Variants in GSK3A observed in about 807,000 individuals in gnomAD.
The protein encoded by GSK3A is glycogen synthase kinase-3 alpha.
A neutral mutation model predicts 56.6 loss-of-function variants in GSK3A; 14 were observed. The ratio of observed to expected loss-of-function variants is 0.25; its 90% CI spans 0.16 to 0.39. GSK3A has a LOEUF of 0.39. GSK3A is among the 10% of genes least tolerant of loss of function. The pLI is 1.00. For synonymous variants in GSK3A, 301 were observed against 285.0 expected, an observed-to-expected ratio of 1.06 and a Z score of -0.56; for missense variants, 450 against 656.0, an observed-to-expected ratio of 0.69 and a Z score of 3.43.
At chr19:42,236,064 A>ATCATTCAT (rs138176758) in intron 4 of GSK3A, among the ~76,000 whole-genome samples, 1 of 152,092 alleles carries the variant, frequency 6.6e-6, no homozygotes, top group Non-Finnish European at 1.5e-5. Flanking sequence ...CTGGGCTGCA[A>ATCATTCAT]TCATTCATTC....
rs1271938755 is a variant in GSK3A, at chr19:42,230,710, G to A, written c.*84C>T. On this transcript the variant is annotated 3_prime_UTR_variant, in exon 11 of 11. Transcript: ENST00000222330. The stretch of plus-strand genomic sequence containing the variant: ...CCTCTAGTCTAGGGGCCCAGCCAGG[G>A]CAGGAGCTTGATGGGCTATGGCCCC... 2.0e-6 allele frequency: 2 copies of A among 1,024,522 alleles called. No homozygotes were observed. The highest frequency in any genetic ancestry group is 3.0e-6 in the Non-Finnish European group (2 of 666,458). The allele number at this position is 1,024,522 out of a possible 1,614,324, so 63.5% of individuals were successfully genotyped here. A position where few individuals can be genotyped will look rare whatever the true frequency, so the allele number is the denominator to read the frequency against.
At chr19:42,236,984 C>T (rs771923462) in intron 2 of GSK3A, 43 bp from the exon 3 acceptor site, 13 of 1,344,436 alleles carry the variant, frequency 9.7e-6, no homozygotes, top group African/African-American at 4.3e-5. Context: ...CCAACTCTCT[C>T]GGCTGCTCCT....
rs1379946395 is a variant in GSK3A at position 42,242,382 on chromosome 19, T to TCCG, written c.81_83dup (p.Gly35dup). The TCCG allele has an allele frequency of 7.9e-6, 11 of 1,389,264 alleles. No homozygotes were observed. The highest frequency in any genetic ancestry group is 9.3e-6 in the Non-Finnish European group (10 of 1,073,820). The allele number at this position is 1,389,264 out of a possible 1,614,324, so 86.1% of individuals were successfully genotyped here. ...CGGGGCCGCCGCCGCCTCCTCCGCC[T>TCCG]CCGCCGCCGGGCTCCGCGAACGAGC... On this transcript the variant is annotated inframe_insertion, in exon 1 of 11. Coordinates refer to ENST00000222330, the MANE Select transcript of GSK3A (RefSeq NM_019884.3).
intron 10 of GSK3A, 86 bp downstream of exon 10, chr19:42,231,971 T>A: frequency 1.4e-6 from 1 of 693,644 alleles, no homozygotes; most frequent in Non-Finnish European, 2.5e-6. Context: ...TAAAAATACA[T>A]TCAGGAAACC....
In GSK3A at chr19:42,230,738, T is replaced by C; in HGVS notation, c.*56A>G. 2 of 1,356,516 alleles carry C rather than the reference T, an allele frequency of 1.5e-6. No individual in the cohort carries two copies. Among genetic ancestry groups the C allele is most frequent in the Non-Finnish European group, 2.1e-6 (2 of 969,060 alleles). The allele number at this position is 1,356,516 out of a possible 1,614,324, so 84.0% of individuals were successfully genotyped here. A position where few individuals can be genotyped will look rare whatever the true frequency, so the allele number is the denominator to read the frequency against. On this transcript the variant is annotated 3_prime_UTR_variant, in exon 11 of 11. Coordinates refer to ENST00000222330, the MANE Select transcript of GSK3A (RefSeq NM_019884.3). ...GGAGCTTGATGGGCTATGGCCCCCC[T>C]TCCCAGCCCCTCTTGGGGCTCCCAG...
rs1465152059 is a variant in GSK3A at position 42,236,494 on chromosome 19, G to A, written c.666+112C>T. The A allele has an allele frequency of 1.6e-5, 12 of 752,460 alleles. No individual in the cohort carries two copies. In the East Asian group the frequency reaches 2.2e-4, roughly 14 times the overall value. 46.6% of individuals were successfully genotyped at this position (752,460 alleles called of 1,614,324 possible). A position where few individuals can be genotyped will look rare whatever the true frequency, so the allele number is the denominator to read the frequency against. On this transcript the variant is annotated intron_variant, in intron 4 of 10. Coordinates refer to ENST00000222330, the MANE Select transcript of GSK3A (RefSeq NM_019884.3). ...TGGGAACAACAGCAGGGGACATGGGGCCTCCAAAAACCAACATAAACTTGG... is the reference window on the plus strand; with the variant it reads ...TGGGAACAACAGCAGGGGACATGGGACCTCCAAAAACCAACATAAACTTGG...
intron 2 of GSK3A, among the ~76,000 whole-genome samples, chr19:42,238,307 C>A (rs1313749622): frequency 6.6e-6 from 1 of 151,054 alleles, no homozygotes; most frequent in Non-Finnish European, 1.5e-5. Context: ...CGCTTGAACC[C>A]AGGAGGCAGA....
chr19:42,233,429 C>T (rs935830532), intron 6 of GSK3A, 46 bp from the exon 7 acceptor site: 70 of 1,224,926 alleles, frequency 5.7e-5, no homozygotes, highest in Admixed American at 8.2e-5. Flanking sequence ...AGTAGGGCCA[C>T]CAACCTCCCA....
At chr19:42,237,056 G>A in intron 2 of GSK3A, 115 bp from the exon 3 acceptor site, 1 of 737,878 alleles carries the variant, frequency 1.4e-6, no homozygotes, top group Non-Finnish European at 2.5e-6. Flanking sequence ...CAGCTCCAAG[G>A]TCCCCTGGAG....
Position 42,242,419 on chromosome 19 carries a change from C to A in GSK3A, c.47G>T (p.Arg16Met). 7.4e-7 allele frequency: 1 copy of A among 1,351,914 alleles called. No individual in the cohort carries two copies. The highest frequency in any genetic ancestry group is 9.5e-7 in the Non-Finnish European group (1 of 1,051,498). The allele number at this position is 1,351,914 out of a possible 1,614,324, so 83.7% of individuals were successfully genotyped here. ...CTCCGCGAACGAGCTAGTCCGCGCC[C>A]TGCCCGAGCCCCCAGGGCCGCCTCC... is the stretch of plus-strand genomic sequence containing the variant. ...PSGGGPGGSG[R>M]ARTSSFAEPG... Residue 16 changes from arginine to methionine, a missense_variant, in exon 1 of 11, where the codon AGG becomes ATG. Transcript: ENST00000222330.
In GSK3A at chr19:42,242,194, AC is replaced by A. The variant is rs1168615431; in HGVS notation, c.271del (p.Val91Ter). On this transcript the variant is annotated frameshift_variant, in exon 1 of 11. Transcript: ENST00000222330. LOFTEE classifies it high-confidence loss of function. ...CCACTAGTACTCACGGCCCAGCTTC[AC>A]CCCGGGCGGCGGGAAGCTAGTGCCT... ...GAGTSFPPPG[V>X]KLGRDSGKVT... 2 of 1,425,664 alleles carry A rather than the reference AC, an allele frequency of 1.4e-6. No homozygotes were observed. The highest frequency in any genetic ancestry group is 1.5e-5 in the South Asian group (1 of 68,710). 88.3% of individuals were successfully genotyped at this position (1,425,664 alleles called of 1,614,324 possible).
intron 2 of GSK3A, among the ~76,000 whole-genome samples, chr19:42,237,896 T>C (rs1458467117): frequency 6.6e-6 from 1 of 150,698 alleles, no homozygotes; most frequent in Non-Finnish European, 1.5e-5. Flanking sequence ...AATAAATAAA[T>C]AAATAAGATA....
Position 42,230,498 on chromosome 19 carries a change from G to T in GSK3A, c.*296C>A. ...TACAAGGGACACAGGAGGGGAGGGGGTCTGGAGGAGGTGGAGGTCTGGGGG... is the reference window on the plus strand; with the variant it reads ...TACAAGGGACACAGGAGGGGAGGGGTTCTGGAGGAGGTGGAGGTCTGGGGG... On this transcript the variant is annotated 3_prime_UTR_variant, in exon 11 of 11. Coordinates refer to ENST00000222330, the MANE Select transcript of GSK3A (RefSeq NM_019884.3). 1 of 468,180 alleles carries T rather than the reference G, an allele frequency of 2.1e-6. No homozygotes were observed. Among genetic ancestry groups the T allele is most frequent in the Non-Finnish European group, 3.8e-6 (1 of 260,752 alleles). 29.0% of individuals were successfully genotyped at this position (468,180 alleles called of 1,614,324 possible).
intron 2 of GSK3A, among the ~76,000 whole-genome samples, chr19:42,238,329 G>C (rs2036270578): frequency 6.6e-6 from 1 of 150,382 alleles, no homozygotes; most frequent in Non-Finnish European, 1.5e-5. Flanking sequence ...GTTGCAGTGA[G>C]CCGACATCAC....
At position 42,242,584 on chromosome 19, in the gene GSK3A, G is replaced by A. The variant is rs1436355123; in HGVS notation, c.-119C>T. The A allele has an allele frequency of 5.9e-6, 5 of 840,688 alleles. No individual in the cohort carries two copies. Among genetic ancestry groups the A allele is most frequent in the South Asian group, 2.0e-5 (1 of 50,356 alleles). 52.1% of individuals were successfully genotyped at this position (840,688 alleles called of 1,614,324 possible). On this transcript the variant is annotated 5_prime_UTR_variant, in exon 1 of 11. Transcript: ENST00000222330. ...TCCAGGCCGCGCCGCTCTGGCTTGG[G>A]CTCCGGCTCCGGCCCAGCGCCCGCC...
chr19:42,233,255 A>ACCCCCTGCCCAGCCCAGCCCCG, intron 7 of GSK3A, 31 bp downstream of exon 7: 4 of 1,197,372 alleles, frequency 3.3e-6, no homozygotes, highest in Non-Finnish European at 4.7e-6. Flanking sequence ...CCTCAGCCCC[A>ACCCCCTGCCCAGCCCAGCCCCG]CCCCCTGCCC....
Position 42,242,491 on chromosome 19 carries a change from G to A in GSK3A, c.-26C>T, listed in dbSNP as rs2036300495. 10 of 1,130,260 alleles carry A rather than the reference G, an allele frequency of 8.8e-6. No homozygotes were observed. The highest frequency in any genetic ancestry group is 1.1e-5 in the Non-Finnish European group (10 of 926,462). The allele number at this position is 1,130,260 out of a possible 1,614,324, so 70.0% of individuals were successfully genotyped here. On this transcript the variant is annotated 5_prime_UTR_variant, in exon 1 of 11. Transcript: ENST00000222330. ...GGCGCCGAGCACAGGCCCAGGCTGCGGGGCTCGGGCTGCCCGGGCTGCCCC... is the reference window on the plus strand; with the variant it reads ...GGCGCCGAGCACAGGCCCAGGCTGCAGGGCTCGGGCTGCCCGGGCTGCCCC...
At chr19:42,233,574 G>A (rs1054599211) in intron 6 of GSK3A, among the ~76,000 whole-genome samples, 191 bp from the exon 7 acceptor site, 4 of 152,144 alleles carry the variant, frequency 2.6e-5, no homozygotes, top group African/African-American at 9.7e-5. Flanking sequence ...GTACTCTCTA[G>A]TCTAGGTGTG....
rs2036301075 is a variant in GSK3A at position 42,242,544 on chromosome 19, C to G, written c.-79G>C. On this transcript the variant is annotated 5_prime_UTR_variant, in exon 1 of 11. Transcript: ENST00000222330. ...CCGCCGCCGCTGCCGCCGCCTCCCCCGGGCCCTGGCCTCTTCCAGGCCGCG... is the reference window on the plus strand; with the variant it reads ...CCGCCGCCGCTGCCGCCGCCTCCCCGGGGCCCTGGCCTCTTCCAGGCCGCG... 2.1e-6 allele frequency: 2 copies of G among 960,676 alleles called. No individual in the cohort carries two copies. Among genetic ancestry groups the G allele is most frequent in the Non-Finnish European group, 2.5e-6 (2 of 800,268 alleles). 59.5% of individuals were successfully genotyped at this position (960,676 alleles called of 1,614,324 possible).
Sources: gnomAD v4.1 joint callset for allele counts (sites outside exome capture counted in the v4.1 genomes callset) on GRCh38, gnomAD v4.1.1 for gene constraint, MANE v1.5 for transcripts, NCBI Gene and HGNC (gene_info 2026-07-23, HGNC 2026-07-21) for gene names.